DYM: variants seen among roughly 807,000 people sequenced by gnomAD.
DYM encodes dymeclin, also known as dyggve-Melchior-Clausen syndrome protein.
Under a neutral mutation model 93.1 loss-of-function variants are expected in DYM, and 78 were observed. The observed-to-expected ratio is 0.84, with a 90% confidence interval of 0.70 to 1.01. DYM has a LOEUF of 1.01. Ranked by LOEUF, DYM falls within the 50% of genes least tolerant of loss-of-function variation. DYM has a pLI of 0.00. For missense variants in DYM, 789 were observed against 845.0 expected (o/e 0.93, Z 0.82); for synonymous variants, 321 against 319.7 (o/e 1.00, Z -0.04).
intron 15 of DYM, among the ~76,000 whole-genome samples, chr18:49,163,050 A>C (rs1236155217): frequency 1.3e-5 from 2 of 152,216 alleles, no homozygotes; most frequent in African/African-American, 4.8e-5. Flanking sequence ...AAGTTCAATA[A>C]GGAATCTTTG....
intron 16 of DYM, among the ~76,000 whole-genome samples, chr18:49,097,907 C>G (rs2079728940): frequency 6.8e-6 from 1 of 146,948 alleles, no homozygotes; most frequent in African/African-American, 2.6e-5. Context: ...CTCTCTCTCT[C>G]TCTCTCAAAA....
intron 17 of DYM, among the ~76,000 whole-genome samples, chr18:49,082,552 CACA>C (rs1456934317): frequency 1.3e-5 from 2 of 152,068 alleles, no homozygotes; most frequent in Admixed American, 6.6e-5. Context: ...ACATAGAAAA[CACA>C]ACAATTAACT....
chr18:49,422,048 C>T (rs927239638), intron 2 of DYM, among the ~76,000 whole-genome samples: 5 of 152,110 alleles, frequency 3.3e-5, no homozygotes, highest in Non-Finnish European at 5.9e-5. Flanking sequence ...CTGAAAGTGA[C>T]GGGGAGAATG....
intron 16 of DYM, among the ~76,000 whole-genome samples, chr18:49,108,504 GGGAGCTGTAGACT>G (rs996836517): frequency 7.9e-5 from 12 of 152,192 alleles, no homozygotes; most frequent in African/African-American, 2.9e-4. Flanking sequence ...CGCTCACACT[GGGAGCTGTAGACT>G]GGAGCTGTTC....
At chr18:49,248,143 C>T (rs1176191853) in intron 13 of DYM, among the ~76,000 whole-genome samples, 1 of 152,192 alleles carries the variant, frequency 6.6e-6, no homozygotes, top group African/African-American at 2.4e-5. Flanking sequence ...AGTATTTATA[C>T]TGCAAGCCAT....
chr18:49,345,961 A>T (rs1056270268), intron 6 of DYM, among the ~76,000 whole-genome samples: 1 of 152,230 alleles, frequency 6.6e-6, no homozygotes, highest in Admixed American at 6.5e-5. Context: ...CTACAACAGA[A>T]CATTATATAG....
intron 16 of DYM, among the ~76,000 whole-genome samples, chr18:49,108,958 C>T (rs2081141199): frequency 6.6e-6 from 1 of 151,844 alleles, no homozygotes; most frequent in South Asian, 2.1e-4. Flanking sequence ...ACATGGAGTC[C>T]CTCTTTATCC....
chr18:49,179,581 C>T (rs538412806), intron 14 of DYM, among the ~76,000 whole-genome samples: 12 of 152,160 alleles, frequency 7.9e-5, no homozygotes, highest in African/African-American at 2.9e-4. Flanking sequence ...ATGACAACAA[C>T]GATGAATAGG....
At chr18:49,086,850 T>C (rs942119137) in intron 17 of DYM, among the ~76,000 whole-genome samples, 18 of 151,926 alleles carry the variant, frequency 1.2e-4, no homozygotes, top group African/African-American at 4.4e-4. Context: ...TAGCCAGGCA[T>C]GGTGGTGCGT....
chr18:49,210,674 C>T (rs1240360446), intron 13 of DYM, among the ~76,000 whole-genome samples: 4 of 152,036 alleles, frequency 2.6e-5, no homozygotes, highest in Non-Finnish European at 5.9e-5. Context: ...AGAGTGAACC[C>T]TAATGTAAAC....
At chr18:49,438,764 C>G (rs2081072998) in intron 1 of DYM, among the ~76,000 whole-genome samples, 2 of 152,180 alleles carry the variant, frequency 1.3e-5, no homozygotes, top group African/African-American at 4.8e-5. Flanking sequence ...CCAGTAGCCA[C>G]TGAGGCACTC....
intron 13 of DYM, among the ~76,000 whole-genome samples, chr18:49,225,476 G>A (rs111838062): frequency 4.4e-4 from 67 of 152,074 alleles, no homozygotes; most frequent in African/African-American, 1.4e-3. Context: ...GAACAATCTA[G>A]TACTAGCTCA....
At chr18:49,456,187 G>A (rs1292875106) in intron 1 of DYM, among the ~76,000 whole-genome samples, 1 of 152,130 alleles carries the variant, frequency 6.6e-6, no homozygotes, top group African/African-American at 2.4e-5. Context: ...CATACTTTAG[G>A]GTTAACAGTG....
rs551162286 is a variant in DYM, at chr18:49,166,759, G to A, written c.1626-2972C>T. ...ATTTTTTGAGGCTAAAAGAACTTTG[G>A]GTAGTCAATTCTTGCACAAGGTGTG... On this transcript the variant is annotated intron_variant, in intron 14 of 17. Transcript: ENST00000675505. Among the ~76,000 whole-genome samples the A allele has an allele frequency of 2.6e-5, 4 of 152,004 alleles. No individual in the cohort carries two copies. The East Asian group carries it at 7.7e-4, about 29-fold the overall frequency.
chr18:49,174,975 T>C (rs1194315313), intron 14 of DYM, among the ~76,000 whole-genome samples: 2 of 152,166 alleles, frequency 1.3e-5, no homozygotes, highest in Non-Finnish European at 2.9e-5. Context: ...CAGAACAAAT[T>C]CATGTTATGA....
chr18:49,319,072 T>A (rs2062259069), intron 8 of DYM, among the ~76,000 whole-genome samples: 1 of 152,160 alleles, frequency 6.6e-6, no homozygotes, highest in African/African-American at 2.4e-5. Context: ...CCCAAAGTGC[T>A]GGGATTACAG....
chr18:49,325,035 A>C (rs535648728), intron 8 of DYM, among the ~76,000 whole-genome samples: 1 of 152,264 alleles, frequency 6.6e-6, no homozygotes, highest in East Asian at 1.9e-4. Flanking sequence ...CAGGATGTCC[A>C]GGAGTGGGAG....
chr18:49,458,861 G>T (rs2083234690), intron 1 of DYM, among the ~76,000 whole-genome samples: 1 of 152,054 alleles, frequency 6.6e-6, no homozygotes, highest in Non-Finnish European at 1.5e-5. Flanking sequence ...ACAAAAAAAA[G>T]CAATTCAATC....
At chr18:49,169,066 T>C (rs575885649) in intron 14 of DYM, among the ~76,000 whole-genome samples, 122 of 152,242 alleles carry the variant, frequency 8.0e-4, no homozygotes, top group Non-Finnish European at 1.5e-3. Flanking sequence ...TGCTCAGCCA[T>C]TGAGACAGAC....
Sources: gnomAD v4.1 joint callset for allele counts (sites outside exome capture counted in the v4.1 genomes callset) on GRCh38, gnomAD v4.1.1 for gene constraint, MANE v1.5 for transcripts, NCBI Gene and HGNC (gene_info 2026-07-23, HGNC 2026-07-21) for gene names.